Variants in ZNF44 observed in about 807,000 individuals in gnomAD.
ZNF44 encodes the protein zinc finger protein 44.
Under a neutral mutation model 11.7 loss-of-function variants are expected in ZNF44, and 9 were observed. That is an observed-to-expected ratio of 0.77 (90% CI 0.46 to 1.35). ZNF44 has a LOEUF of 1.35. Among genes scored for constraint, ZNF44 ranks in the 40% most tolerant of loss-of-function variants. The probability of loss-of-function intolerance (pLI) is 0.00; values close to 1 mark genes in which losing one functional copy is unlikely to be tolerated. For synonymous variants in ZNF44, 224 were observed against 242.7 expected (o/e 0.92, Z 0.72); for missense variants, 696 against 743.1 (o/e 0.94, Z 0.74).
chr19:12,292,855 G>GTTTTTTTT (rs71166664), intron 1 of ZNF44, among the ~76,000 whole-genome samples: 4 of 76,932 alleles, frequency 5.2e-5, no homozygotes, highest in South Asian at 5.6e-4. Context: ...CAGAGGTTAG[G>GTTTTTTTT]TTTTTTTTTT....
rs1967105399 is a variant in ZNF44, at chr19:12,274,046, C to G, written c.209G>C (p.Arg70Thr). 3.1e-6 allele frequency: 5 copies of G among 1,611,698 alleles called. No homozygotes were observed. Among genetic ancestry groups the G allele is most frequent in the South Asian group, 1.1e-5 (1 of 90,920 alleles). The change falls in exon 4 of 4, where the codon AGA becomes ACA. Residue 70 changes from arginine to threonine, a missense_variant. Transcript: ENST00000355684. ...RRNPRCDVVE[R>T]FGKSKDGSQC... ...ACTACCATCTTTACTTTTACCAAAT[C>G]TCTCTACCACATCACACCTGTAAAA...
Position 12,272,758 on chromosome 19 carries a change from A to AGT in ZNF44, c.1496_1497insAC (p.Ser499ArgfsTer22). On this transcript the variant is annotated frameshift_variant, in exon 4 of 4. Coordinates refer to ENST00000355684, the MANE Select transcript of ZNF44 (RefSeq NM_016264.4). LOFTEE classifies it low-confidence loss of function (END_TRUNC). ...TTTGACACTCATAAGATTTTTCTTCACTGTGAGTCCTTTCATGGCGACAAA... is the reference window on the plus strand; with the variant it reads ...TTTGACACTCATAAGATTTTTCTTCAGTCTGTGAGTCCTTTCATGGCGACAAA... The AGT allele has an allele frequency of 3.1e-6, 5 of 1,613,546 alleles. No individual in the cohort carries two copies. Among genetic ancestry groups the AGT allele is most frequent in the Non-Finnish European group, 4.2e-6 (5 of 1,179,554 alleles).
At chr19:12,265,171 C>G (rs1465352165) in intron 5 of ZNF44, among the ~76,000 whole-genome samples, 1 of 151,994 alleles carries the variant, frequency 6.6e-6, no homozygotes, top group Non-Finnish European at 1.5e-5. Flanking sequence ...GTAATCCCAA[C>G]ATTTTGGGAG....
At position 12,274,947 on chromosome 19, in the gene ZNF44, A is replaced by G. The variant is rs772148232; in HGVS notation, c.191+26T>C. The G allele has an allele frequency of 3.0e-5, 46 of 1,547,934 alleles. No individual in the cohort carries two copies. In the Middle Eastern group the frequency reaches 6.9e-4, roughly 23 times the overall value. On this transcript the variant is annotated intron_variant, in intron 3 of 3. Transcript: ENST00000355684. ...TTCTCAGAAACACTGCAAGGACATCACCTGTCTCTTATAAGTACAAATTAC... is the reference window on the plus strand; with the variant it reads ...TTCTCAGAAACACTGCAAGGACATCGCCTGTCTCTTATAAGTACAAATTAC...
At chr19:12,293,396 G>A (rs1968100155) in intron 1 of ZNF44, 3 of 1,533,106 alleles carry the variant, frequency 2.0e-6, no homozygotes, top group Admixed American at 2.0e-5. Context: ...TACAGGGTGG[G>A]CTGAGGTCAC....
upstream of ZNF44, among the ~76,000 whole-genome samples, chr19:12,238,553 G>A (rs1236499762): frequency 2.0e-5 from 3 of 150,996 alleles, no homozygotes; most frequent in African/African-American, 4.9e-5. Context: ...GCCTGAACCC[G>A]GGAGACAGAG....
downstream of ZNF44, chr19:12,271,759 T>A (rs182568648): frequency 6.6e-6 from 1 of 152,154 alleles, no homozygotes; most frequent in Non-Finnish European, 1.5e-5. Flanking sequence ...TGAACACATA[T>A]AGATTTTTTT....
chr19:12,248,115 C>A, exon 8 of ZNF44: 2 of 1,303,622 alleles, frequency 1.5e-6, no homozygotes, highest in South Asian at 1.2e-5. Context: ...ACATTCATAG[C>A]GTTTCTGTAC....
rs761543569 is a variant in ZNF44 at position 12,272,570 on chromosome 19, C to T, written c.1685G>A (p.Cys562Tyr). ...ACTGAAGGCTTTACCACAGTGTTTA[C>T]ATTCATAGGGTCTTTCTCCAGTGTG... ...RTHTGERPYE[C>Y]KHCGKAFSRS... Residue 562 changes from cysteine (C) to tyrosine (Y), a missense_variant, in exon 4 of 4, where the codon TGT becomes TAT. Physicochemically the swap from Cys to Tyr is radical, Grantham distance 194. Coordinates refer to ENST00000355684, the MANE Select transcript of ZNF44 (RefSeq NM_016264.4). 6 of 1,613,312 alleles carry T rather than the reference C, an allele frequency of 3.7e-6. No homozygotes were observed. Among genetic ancestry groups the T allele is most frequent in the Non-Finnish European group, 5.1e-6 (6 of 1,179,786 alleles).
intron 5 of ZNF44, among the ~76,000 whole-genome samples, chr19:12,261,217 G>A (rs1281931927): frequency 6.6e-6 from 1 of 152,244 alleles, no homozygotes; most frequent in Non-Finnish European, 1.5e-5. Flanking sequence ...CCATGACAGA[G>A]GAAGGATGCC....
intron 2 of ZNF44, among the ~76,000 whole-genome samples, chr19:12,232,135 T>C (rs1916188789): frequency 6.6e-6 from 1 of 152,270 alleles, no homozygotes; most frequent in East Asian, 1.9e-4. Context: ...GCTGTGCTTT[T>C]AGATATGCAT....
chr19:12,275,921 T>C (rs776480068), intron 2 of ZNF44, 35 bp downstream of exon 2: 19 of 1,562,422 alleles, frequency 1.2e-5, no homozygotes, highest in Non-Finnish European at 1.7e-5. Flanking sequence ...CAAATGTCTC[T>C]AATTGACCAA....
At chr19:12,276,210 C>T in intron 1 of ZNF44, 128 bp from the exon 2 acceptor site, 2 of 1,410,372 alleles carry the variant, frequency 1.4e-6, no homozygotes, top group East Asian at 5.6e-5. Context: ...GGTAAATCCA[C>T]TCTTATTCTG....
chr19:12,228,642 C>T (rs1316169479), intron 3 of ZNF44, among the ~76,000 whole-genome samples: 1 of 152,042 alleles, frequency 6.6e-6, no homozygotes, highest in Non-Finnish European at 1.5e-5. Context: ...TTTAAACAAC[C>T]AGTTAATTTA....
intron 1 of ZNF44, among the ~76,000 whole-genome samples, chr19:12,283,741 A>T (rs548512930): frequency 1.5e-4 from 23 of 152,356 alleles, no homozygotes; most frequent in Admixed American, 4.6e-4. Flanking sequence ...AGAAGCAGGC[A>T]TAGTGACTCA....
At chr19:12,253,217 T>C (rs866715984) in intron 5 of ZNF44, among the ~76,000 whole-genome samples, 1 of 123,026 alleles carries the variant, frequency 8.1e-6, no homozygotes, top group Non-Finnish European at 1.6e-5. Context: ...TGAGACAGAA[T>C]TGTGCTCTGT....
intron 1 of ZNF44, among the ~76,000 whole-genome samples, chr19:12,278,104 A>G (rs781006471): frequency 9.2e-5 from 14 of 152,338 alleles, no homozygotes; most frequent in Non-Finnish European, 1.3e-4. Flanking sequence ...TATGACGCAC[A>G]TGCTGAAGGT....
intron 1 of ZNF44, among the ~76,000 whole-genome samples, chr19:12,292,541 C>T (rs1968050343): frequency 6.6e-6 from 1 of 152,074 alleles, no homozygotes; most frequent in Non-Finnish European, 1.5e-5. Flanking sequence ...AGACAAGTCT[C>T]ACTCAACCGT....
At chr19:12,248,665 C>G (rs766131727) in exon 8 of ZNF44, 32 of 1,285,370 alleles carry the variant, frequency 2.5e-5, no homozygotes, top group Non-Finnish European at 3.2e-5. Flanking sequence ...CAGAGTCTCT[C>G]TACCATATGA....
Sources: allele counts gnomAD v4.1 joint callset (sites outside exome capture counted in the v4.1 genomes callset), GRCh38; gene constraint gnomAD v4.1.1; transcripts MANE v1.5; gene names NCBI Gene and HGNC (gene_info 2026-07-23, HGNC 2026-07-21).